CFAP95: variants seen among roughly 807,000 people sequenced by gnomAD.
The protein encoded by CFAP95 is cilia and flagella associated protein 95.
At chr9:69,895,999 A>G in the CFAP95 span, among the ~76,000 whole-genome samples, 1 of 152,120 alleles carries the variant, frequency 6.6e-6, no homozygotes, top group African/African-American at 2.4e-5. Flanking sequence ...CATGAAGCTA[A>G]GTTCTGCTTC....
At chr9:69,897,985 G>A in the CFAP95 span, among the ~76,000 whole-genome samples, 16 of 152,144 alleles carry the variant, frequency 1.1e-4, no homozygotes, top group Non-Finnish European at 2.9e-5. Context: ...TTCCCCTATG[G>A]TGATTCTTTT....
chr9:69,839,625 A>T, the CFAP95 span, among the ~76,000 whole-genome samples: 1 of 150,064 alleles, frequency 6.7e-6, no homozygotes, highest in Non-Finnish European at 1.5e-5. Context: ...ACGGGGTTTC[A>T]CCATGTTGGC....
At chr9:69,841,197 T>TATATATATATATATATATATATG in the CFAP95 span, among the ~76,000 whole-genome samples, 1 of 131,534 alleles carries the variant, frequency 7.6e-6, no homozygotes, top group Non-Finnish European at 1.6e-5. Flanking sequence ...TATATATATA[T>TATATATATATATATATATATATG]TTCTGATTTA....
At chr9:69,823,844 A>G in the CFAP95 span, among the ~76,000 whole-genome samples, 1 of 152,122 alleles carries the variant, frequency 6.6e-6, no homozygotes, top group Non-Finnish European at 1.5e-5. Flanking sequence ...TCAGTGGTGG[A>G]GCTTTTTGAG....
chr9:69,901,417 G>A, the CFAP95 span, among the ~76,000 whole-genome samples: 4 of 152,096 alleles, frequency 2.6e-5, no homozygotes, highest in Non-Finnish European at 4.4e-5. Context: ...GATTACAGGC[G>A]TGAGCCACCG....
the CFAP95 span, among the ~76,000 whole-genome samples, chr9:69,828,849 A>G: frequency 1.3e-5 from 2 of 152,156 alleles, no homozygotes; most frequent in African/African-American, 4.8e-5. Context: ...TTCCATAATG[A>G]ACATGTATTT....
chr9:69,887,604 TC>T, the CFAP95 span, among the ~76,000 whole-genome samples: 2 of 152,192 alleles, frequency 1.3e-5, no homozygotes, highest in South Asian at 4.1e-4. Flanking sequence ...AATTCAAAAT[TC>T]TTTAGTGAGG....
chr9:69,897,368 T>C, the CFAP95 span, among the ~76,000 whole-genome samples: 1 of 152,210 alleles, frequency 6.6e-6, no homozygotes, highest in Non-Finnish European at 1.5e-5. Context: ...TAGTTTGCAC[T>C]GACTAATTTG....
the CFAP95 span, among the ~76,000 whole-genome samples, chr9:69,903,101 G>T: frequency 1.3e-5 from 2 of 152,174 alleles, no homozygotes; most frequent in Non-Finnish European, 2.9e-5. Context: ...GATTGATATA[G>T]TAATGCTATT....
the CFAP95 span, among the ~76,000 whole-genome samples, chr9:69,889,264 T>G: frequency 2.0e-5 from 3 of 152,354 alleles, no homozygotes; most frequent in East Asian, 5.8e-4. Context: ...TGCTAAAGAA[T>G]AGGCATAGTT....
chr9:69,904,137 C>T, the CFAP95 span, among the ~76,000 whole-genome samples: 2 of 152,202 alleles, frequency 1.3e-5, no homozygotes, highest in South Asian at 2.1e-4. Flanking sequence ...ATTGTACAAT[C>T]ACCACCACAA....
chr9:69,843,101 G>A, the CFAP95 span, among the ~76,000 whole-genome samples: 156 of 152,164 alleles, frequency 1.0e-3, no homozygotes, highest in African/African-American at 3.5e-3. Flanking sequence ...TCTTATTTTT[G>A]TGTCTCTCTA....
chr9:69,842,679 A>G, the CFAP95 span, among the ~76,000 whole-genome samples: 1 of 152,244 alleles, frequency 6.6e-6, no homozygotes, highest in Non-Finnish European at 1.5e-5. Flanking sequence ...TGACTTCCCC[A>G]AGGCCACACA....
At chr9:69,872,237 T>C in the CFAP95 span, among the ~76,000 whole-genome samples, 1 of 152,234 alleles carries the variant, frequency 6.6e-6, no homozygotes, top group Non-Finnish European at 1.5e-5. Flanking sequence ...CTTAAATGTG[T>C]ATAGTGCTCT....
the CFAP95 span, among the ~76,000 whole-genome samples, chr9:69,874,015 A>G: frequency 8.9e-3 from 1,356 of 152,298 alleles, 22 homozygotes; most frequent in African/African-American, 0.031. Flanking sequence ...AATAACTACA[A>G]CTGTTAAAGA....
chr9:69,898,381 A>G, the CFAP95 span, among the ~76,000 whole-genome samples: 2 of 152,192 alleles, frequency 1.3e-5, no homozygotes, highest in Admixed American at 6.5e-5. Context: ...ATTTTACACA[A>G]TCTCAGAGAA....
chr9:69,822,785 T>G, the CFAP95 span, among the ~76,000 whole-genome samples: 1 of 152,204 alleles, frequency 6.6e-6, no homozygotes, highest in Admixed American at 6.5e-5. Flanking sequence ...ACGCTGTAAG[T>G]CATTCCAGCC....
the CFAP95 span, among the ~76,000 whole-genome samples, chr9:69,857,251 C>T: frequency 1.3e-5 from 2 of 152,088 alleles, no homozygotes. Flanking sequence ...GAAGGCATTT[C>T]CTCAGGAATA....
At chr9:69,870,742 A>G in the CFAP95 span, among the ~76,000 whole-genome samples, 1 of 152,206 alleles carries the variant, frequency 6.6e-6, no homozygotes, top group African/African-American at 2.4e-5. Context: ...GATTGGGCCA[A>G]ACTACATGCC....
Sources: gnomAD v4.1 joint callset for allele counts (sites outside exome capture counted in the v4.1 genomes callset) on GRCh38, gnomAD v4.1.1 for gene constraint, MANE v1.5 for transcripts, NCBI Gene and HGNC (gene_info 2026-07-23, HGNC 2026-07-21) for gene names.